The following GPR39 variants were observed in gnomAD, a reference collection of about 807,000 sequenced individuals.
GPR39 encodes the protein G protein-coupled receptor 39.
A neutral mutation model predicts 18.4 loss-of-function variants in GPR39; 23 were observed. The observed-to-expected ratio is 1.25, with a 90% CI of 0.90 to 1.77. The LOEUF (loss-of-function observed/expected upper bound fraction) is 1.77, where lower values mean the gene tolerates loss of function less well. Among genes scored for constraint, GPR39 ranks in the 40% most tolerant of loss-of-function variants. GPR39 has a pLI of 0.00. For missense variants in GPR39, 647 were observed against 602.4 expected (o/e 1.07, Z -0.78); for synonymous variants, 280 against 257.9 (o/e 1.09, Z -0.82).
intron 1 of GPR39, among the ~76,000 whole-genome samples, chr2:132,490,189 T>C (rs557005100): frequency 2.6e-5 from 4 of 151,882 alleles, no homozygotes; most frequent in African/African-American, 9.7e-5. Context: ...GAAATAGAAG[T>C]TTGGAGGGGC....
chr2:132,619,397 G>T (rs1681395288), intron 1 of GPR39, among the ~76,000 whole-genome samples: 1 of 152,154 alleles, frequency 6.6e-6, no homozygotes, highest in South Asian at 2.1e-4. Flanking sequence ...GTCCCAGCTG[G>T]GAAGGCAGAA....
intron 1 of GPR39, among the ~76,000 whole-genome samples, chr2:132,423,759 A>G (rs1015333472): frequency 6.6e-6 from 1 of 152,188 alleles, no homozygotes; most frequent in East Asian, 1.9e-4. Flanking sequence ...TAATTGTGCA[A>G]TTACTCGACT....
In GPR39 at chr2:132,645,408, G is replaced by A; in HGVS notation, c.1164G>A (p.Val388=). 6.2e-7 allele frequency: 1 copy of A among 1,613,530 alleles called. No individual in the cohort carries two copies. Among genetic ancestry groups the A allele is most frequent in the South Asian group, 1.1e-5 (1 of 91,056 alleles). Reference sequence around the variant, plus strand: ...CCACCACCGACAGCGCCCGCTTTGTGCAGCGCCCGTTGCTCTTCGCGTCCC... The same window carrying A: ...CCACCACCGACAGCGCCCGCTTTGTACAGCGCCCGTTGCTCTTCGCGTCCC... ...AHSTTDSARF[V]QRPLLFASRR... The change falls in exon 2 of 2, where the codon GTG becomes GTA. Residue 388 remains valine, a synonymous_variant. Transcript: ENST00000329321.
At chr2:132,593,838 T>C (rs572904274) in intron 1 of GPR39, among the ~76,000 whole-genome samples, 27 of 152,168 alleles carry the variant, frequency 1.8e-4, no homozygotes, top group African/African-American at 5.5e-4. Flanking sequence ...CCTGAGACCT[T>C]GTGGCACTGG....
At chr2:132,509,181 GCAAT>G (rs1338119692) in intron 1 of GPR39, among the ~76,000 whole-genome samples, 4 of 152,192 alleles carry the variant, frequency 2.6e-5, no homozygotes, top group Admixed American at 2.6e-4. Context: ...AGATCAGTAT[GCAAT>G]CAGTCTCTCA....
chr2:132,615,365 G>T (rs758833492), intron 1 of GPR39, among the ~76,000 whole-genome samples: 3 of 152,114 alleles, frequency 2.0e-5, no homozygotes, highest in African/African-American at 7.2e-5. Context: ...GCCCACCCCC[G>T]CTTTGGTGTT....
chr2:132,479,646 A>G (rs955848058), intron 1 of GPR39, among the ~76,000 whole-genome samples: 4 of 152,206 alleles, frequency 2.6e-5, no homozygotes, highest in Admixed American at 2.6e-4. Context: ...CCAAACCACA[A>G]TGTGATACCA....
chr2:132,441,195 G>A (rs1044004821), intron 1 of GPR39, among the ~76,000 whole-genome samples: 29 of 152,056 alleles, frequency 1.9e-4, no homozygotes, highest in Admixed American at 1.6e-3. Context: ...TTCAACCCCT[G>A]TGTGCTCCCA....
At chr2:132,540,120 CCTGTACCCTTAT>C (rs1679835846) in intron 1 of GPR39, among the ~76,000 whole-genome samples, 1 of 152,188 alleles carries the variant, frequency 6.6e-6, no homozygotes, top group South Asian at 2.1e-4. Flanking sequence ...CCCCAAACTT[CCTGTACCCTTAT>C]CTGCTAAACT....
At chr2:132,525,767 A>G (rs1483915719) in intron 1 of GPR39, among the ~76,000 whole-genome samples, 1 of 152,196 alleles carries the variant, frequency 6.6e-6, no homozygotes, top group African/African-American at 2.4e-5. Context: ...AAGGCCAGTT[A>G]TAGGCAAAGG....
At chr2:132,423,969 A>G (rs933478388) in intron 1 of GPR39, among the ~76,000 whole-genome samples, 4 of 152,206 alleles carry the variant, frequency 2.6e-5, no homozygotes, top group East Asian at 1.9e-4. Context: ...ATAGAGGTTT[A>G]TCATTCCTCA....
At chr2:132,637,229 T>C (rs1452612828) in intron 1 of GPR39, among the ~76,000 whole-genome samples, 4 of 152,258 alleles carry the variant, frequency 2.6e-5, no homozygotes, top group Admixed American at 6.5e-5. Flanking sequence ...CAGGAGGGTC[T>C]ATTTTAGAAA....
chr2:132,619,832 C>T (rs1681403500), intron 1 of GPR39, among the ~76,000 whole-genome samples: 1 of 89,818 alleles, frequency 1.1e-5, no homozygotes, highest in African/African-American at 5.9e-5. Context: ...CAGACACAGA[C>T]ACACACACAC....
chr2:132,508,399 C>G lies in GPR39; in HGVS notation c.856+90501C>G, dbSNP rs1679174927. ...CTCCACAGTAAGGCTCCTGAAGGAACATAGACTTCTGTTTCTGAGGTCGTG... is the reference window on the plus strand; with the variant it reads ...CTCCACAGTAAGGCTCCTGAAGGAAGATAGACTTCTGTTTCTGAGGTCGTG... On this transcript the variant is annotated intron_variant, in intron 1 of 1. Transcript: ENST00000329321. Among the ~76,000 whole-genome samples the G allele has an allele frequency of 2.6e-5, 4 of 152,240 alleles. No homozygotes were observed. The South Asian group carries it at 8.3e-4, about 32-fold the overall frequency.
chr2:132,451,859 T>C (rs1015101470), intron 1 of GPR39, among the ~76,000 whole-genome samples: 10 of 152,214 alleles, frequency 6.6e-5, no homozygotes, highest in African/African-American at 2.2e-4. Context: ...CAACTTGCTT[T>C]AGTCTTAGTC....
At chr2:132,554,847 C>A (rs1185141160) in intron 1 of GPR39, among the ~76,000 whole-genome samples, 1 of 152,196 alleles carries the variant, frequency 6.6e-6, no homozygotes, top group African/African-American at 2.4e-5. Context: ...GCACACATCT[C>A]TCCCACATAA....
At chr2:132,455,992 G>C (rs1680720865) in intron 1 of GPR39, among the ~76,000 whole-genome samples, 1 of 152,122 alleles carries the variant, frequency 6.6e-6, no homozygotes, top group African/African-American at 2.4e-5. Flanking sequence ...ATGTCTATGA[G>C]GTCTGCTTGT....
At chr2:132,517,470 G>A (rs575592736) in intron 1 of GPR39, among the ~76,000 whole-genome samples, 124 of 152,286 alleles carry the variant, frequency 8.1e-4, no homozygotes, top group Middle Eastern at 6.8e-3. Flanking sequence ...TGTGAAGCAT[G>A]TGACTAGAGC....
intron 1 of GPR39, among the ~76,000 whole-genome samples, chr2:132,511,711 C>T (rs916657060): frequency 7.2e-5 from 11 of 152,180 alleles, no homozygotes; most frequent in African/African-American, 2.7e-4. Flanking sequence ...ACAGCAAACA[C>T]TGACTTAATA....
Sources: gnomAD v4.1 joint callset for allele counts (sites outside exome capture counted in the v4.1 genomes callset) on GRCh38, gnomAD v4.1.1 for gene constraint, MANE v1.5 for transcripts, NCBI Gene and HGNC (gene_info 2026-07-23, HGNC 2026-07-21) for gene names.